Variants in DDHD1 observed in about 807,000 individuals in gnomAD.
The protein encoded by DDHD1 is phospholipase DDHD1.
Under a neutral mutation model 96.4 loss-of-function variants are expected in DDHD1, and 49 were observed. That is an observed-to-expected ratio of 0.51 (90% CI 0.40 to 0.64). The LOEUF (loss-of-function observed/expected upper bound fraction) is 0.64, where lower values mean the gene tolerates loss of function less well. DDHD1 is among the 30% of genes least tolerant of loss of function. The pLI is 0.00. For synonymous variants in DDHD1, 442 were observed against 446.5 expected (o/e 0.99, Z 0.13); for missense variants, 1,106 against 1,161.2 (o/e 0.95, Z 0.69).
intron 1 of DDHD1, among the ~76,000 whole-genome samples, chr14:53,119,572 G>A (rs925080090): frequency 6.6e-6 from 1 of 152,152 alleles, no homozygotes; most frequent in East Asian, 1.9e-4. Flanking sequence ...CTGGCAAACC[G>A]AATCCAGCAG....
Position 53,055,677 on chromosome 14 carries a change from C to T in DDHD1, c.2228G>A (p.Gly743Asp). 6.2e-7 allele frequency: 1 copy of T among 1,613,884 alleles called. No homozygotes were observed. Among genetic ancestry groups the T allele is most frequent in the Non-Finnish European group, 8.5e-7 (1 of 1,179,870 alleles). The part of the protein sequence containing the change: ...RHYGESITNI[G>D]KASILGAASI... ...GAAATTACCTAATATGCTTGCTTTG[C>T]CTATATTTGTTATAGATTCTCCATA... The change falls in exon 10 of 13, where the codon GGC (glycine) becomes GAC (aspartate). Residue 743 changes from glycine (G) to aspartate (D), a missense_variant. Transcript: ENST00000673822.
chr14:53,093,250 T>C, intron 3 of DDHD1, 66 bp downstream of exon 3: 1 of 1,501,388 alleles, frequency 6.7e-7, no homozygotes, highest in East Asian at 2.3e-5. Flanking sequence ...GAATTGTCTA[T>C]TTTGAATATG....
chr14:53,147,401 G>A (rs1356999094), intron 1 of DDHD1, among the ~76,000 whole-genome samples: 3 of 152,176 alleles, frequency 2.0e-5, no homozygotes, highest in African/African-American at 7.2e-5. Flanking sequence ...CACACTGATT[G>A]CTCTAAGCAT....
At chr14:53,049,924 T>C (rs1882387853) in intron 12 of DDHD1, among the ~76,000 whole-genome samples, 1 of 152,222 alleles carries the variant, frequency 6.6e-6, no homozygotes, top group South Asian at 2.1e-4. Context: ...GAGTATCTGC[T>C]ACATTCCATG....
chr14:53,100,160 T>C (rs1258331603), intron 2 of DDHD1, among the ~76,000 whole-genome samples: 3 of 152,134 alleles, frequency 2.0e-5, no homozygotes, highest in Non-Finnish European at 4.4e-5. Flanking sequence ...GTATCATAAA[T>C]AATCTAGATA....
At chr14:53,126,293 G>T (rs898833424) in intron 1 of DDHD1, among the ~76,000 whole-genome samples, 1 of 152,116 alleles carries the variant, frequency 6.6e-6, no homozygotes, top group Non-Finnish European at 1.5e-5. Context: ...AAAATTGAAA[G>T]GGTGAAATAG....
chr14:53,153,256 G>A lies in DDHD1; in HGVS notation c.-158C>T. ...GCAGCGGCGACCGCTCCGCCCCCAC[G>A]AGACCCGCAGCCGCCGCAGCTGCGT... On this transcript the variant is annotated 5_prime_UTR_variant, in exon 1 of 13. Transcript: ENST00000673822. 2 of 579,056 alleles carry A rather than the reference G, an allele frequency of 3.5e-6. No individual in the cohort carries two copies. Among genetic ancestry groups the A allele is most frequent in the East Asian group, 3.5e-5 (1 of 28,230 alleles). 35.9% of individuals were successfully genotyped at this position (579,056 alleles called of 1,614,324 possible). A position where few individuals can be genotyped will look rare whatever the true frequency, so the allele number is the denominator to read the frequency against.
intron 1 of DDHD1, among the ~76,000 whole-genome samples, chr14:53,111,861 C>T (rs1888132580): frequency 6.6e-6 from 1 of 152,098 alleles, no homozygotes; most frequent in Admixed American, 6.5e-5. Context: ...TTAAGATATT[C>T]CAAAGCTAAC....
chr14:53,054,576 G>A lies in DDHD1; in HGVS notation c.2299C>T (p.Arg767Cys), dbSNP rs1057518484. The A allele has an allele frequency of 5.6e-6, 9 of 1,613,994 alleles. No individual in the cohort carries two copies. The highest frequency in any genetic ancestry group is 1.7e-5 in the Admixed American group (1 of 60,008). The change falls in exon 11 of 13, where the codon CGT becomes TGT. Residue 767 changes from arginine (R) to cysteine (C), a missense_variant. Around this residue, in one of 2 missense-constraint regions of DDHD1, gnomAD observed 650 missense variants for 758.8 expected, o/e 0.86. Coordinates refer to ENST00000673822, the MANE Select transcript of DDHD1 (RefSeq NM_001160148.2). ...LGGMLFSRFG[R>C]SSTTQSSETS... ...TCAGATGACTGTGTTGTAGATGAACGTCCAAATCTTGAGAACAACATTCCT... is the reference window on the plus strand; with the variant it reads ...TCAGATGACTGTGTTGTAGATGAACATCCAAATCTTGAGAACAACATTCCT...
intron 4 of DDHD1, among the ~76,000 whole-genome samples, chr14:53,074,550 A>G (rs1884790370): frequency 6.6e-6 from 1 of 151,914 alleles, no homozygotes; most frequent in Non-Finnish European, 1.5e-5. Context: ...TAATTTCAGC[A>G]AATATGTAGT....
chr14:53,087,077 T>C (rs967432970), intron 4 of DDHD1, among the ~76,000 whole-genome samples: 3 of 147,166 alleles, frequency 2.0e-5, no homozygotes, highest in African/African-American at 2.5e-5. Flanking sequence ...CGTTACATAA[T>C]GGTAAAGGGA....
At chr14:53,136,062 G>A (rs939898577) in intron 1 of DDHD1, among the ~76,000 whole-genome samples, 1 of 152,110 alleles carries the variant, frequency 6.6e-6, no homozygotes, top group Non-Finnish European at 1.5e-5. Context: ...TGATCAATGT[G>A]CTTTGTAATT....
intron 1 of DDHD1, among the ~76,000 whole-genome samples, chr14:53,112,331 C>T (rs1888169564): frequency 1.3e-5 from 2 of 151,860 alleles, no homozygotes; most frequent in Non-Finnish European, 1.5e-5. Context: ...GCAGAAGAAT[C>T]GCTTGAACCC....
rs1881536783 is a variant in DDHD1, at chr14:53,039,964, T to C, written c.*6804A>G. On this transcript the variant is annotated 3_prime_UTR_variant, in exon 13 of 13. Coordinates refer to ENST00000673822, the MANE Select transcript of DDHD1 (RefSeq NM_001160148.2). ...CACTGTCCCATCTCAATTCTACATG[T>C]AGTCCTTATAGCCTGGCCACGTATT... 1.3e-5 allele frequency: 2 copies of C among 152,234 alleles called. No homozygotes were observed. The highest frequency in any genetic ancestry group is 4.8e-5 in the African/African-American group (2 of 41,442). The allele number at this position is 152,234 out of a possible 1,614,324, so 9.4% of individuals were successfully genotyped here.
At chr14:53,091,580 G>T (rs1886431189) in intron 4 of DDHD1, among the ~76,000 whole-genome samples, 1 of 152,148 alleles carries the variant, frequency 6.6e-6, no homozygotes, top group South Asian at 2.1e-4. Context: ...ACTGTGGGGA[G>T]AAAGATCAAA....
chr14:53,140,481 A>C (rs1473728982), intron 1 of DDHD1, among the ~76,000 whole-genome samples: 1 of 152,200 alleles, frequency 6.6e-6, no homozygotes, highest in Admixed American at 6.5e-5. Flanking sequence ...CAGTGAGCTG[A>C]GATTGTGCCA....
intron 1 of DDHD1, among the ~76,000 whole-genome samples, chr14:53,109,572 T>G (rs779469450): frequency 6.6e-6 from 1 of 152,180 alleles, no homozygotes; most frequent in Non-Finnish European, 1.5e-5. Context: ...ATGTATGGTT[T>G]CTGTGTATAT....
intron 1 of DDHD1, among the ~76,000 whole-genome samples, chr14:53,108,967 T>C (rs1205492838): frequency 2.6e-5 from 4 of 152,212 alleles, no homozygotes; most frequent in Admixed American, 2.6e-4. Flanking sequence ...CCTCTTAAAG[T>C]AGCTTTGTGT....
At chr14:53,113,771 ACCC>A (rs1888325479) in intron 1 of DDHD1, among the ~76,000 whole-genome samples, 1 of 152,072 alleles carries the variant, frequency 6.6e-6, no homozygotes, top group Admixed American at 6.6e-5. Flanking sequence ...CACCACCAGG[ACCC>A]TGGGCTTCAA....
Sources: allele counts gnomAD v4.1 joint callset (sites outside exome capture counted in the v4.1 genomes callset), GRCh38; gene constraint gnomAD v4.1.1; regional missense constraint gnomAD v4.1.1; transcripts MANE v1.5; gene names NCBI Gene and HGNC (gene_info 2026-07-23, HGNC 2026-07-21).